ARHGAP15: variants seen among roughly 807,000 people sequenced by gnomAD.
The protein encoded by ARHGAP15 is Rho GTPase activating protein 15, also known as rho GTPase-activating protein 15.
A neutral mutation model predicts 63.7 loss-of-function variants in ARHGAP15; 51 were observed. The ratio of observed to expected loss-of-function variants is 0.80; its 90% confidence interval spans 0.64 to 1.01. ARHGAP15 has a LOEUF of 1.01. Among genes scored for constraint, ARHGAP15 ranks in the 50% least tolerant of loss-of-function variants. The pLI is 0.00. For missense variants in ARHGAP15, 560 were observed against 564.6 expected (o/e 0.99, Z 0.08); for synonymous variants, 191 against 193.8 (o/e 0.99, Z 0.12).
intron 7 of ARHGAP15, 24 bp downstream of exon 7, chr2:143,435,723 C>G: frequency 6.3e-7 from 1 of 1,592,854 alleles, no homozygotes; most frequent in Non-Finnish European, 8.5e-7. Context: ...TTGGCTGTTA[C>G]CTTTATTAAT....
intron 12 of ARHGAP15, among the ~76,000 whole-genome samples, chr2:143,659,899 T>TC (rs200357205): frequency 6.6e-6 from 1 of 151,980 alleles, no homozygotes; most frequent in African/African-American, 2.4e-5. Context: ...AGTTTTTTTT[T>TC]CCCCCAAGAG....
intron 11 of ARHGAP15, among the ~76,000 whole-genome samples, chr2:143,594,880 G>A (rs1480104366): frequency 6.6e-6 from 1 of 152,082 alleles, no homozygotes; most frequent in East Asian, 1.9e-4. Flanking sequence ...TAATGTTAAG[G>A]TTATGACAGA....
intron 12 of ARHGAP15, among the ~76,000 whole-genome samples, chr2:143,689,447 T>A (rs544169780): frequency 2.5e-4 from 38 of 152,304 alleles, no homozygotes; most frequent in South Asian, 1.9e-3. Flanking sequence ...TTCTCTGAGT[T>A]CTTTCATAGG....
chr2:143,470,952 A>G (rs572532262), intron 8 of ARHGAP15, among the ~76,000 whole-genome samples: 1 of 137,606 alleles, frequency 7.3e-6, no homozygotes, highest in Non-Finnish European at 1.6e-5. Context: ...ATATACACAC[A>G]TGTGTATCAT....
intron 13 of ARHGAP15, among the ~76,000 whole-genome samples, chr2:143,751,752 C>T (rs1686383656): frequency 6.6e-6 from 1 of 152,176 alleles, no homozygotes. Flanking sequence ...AGAATTTCTG[C>T]CCTGTTAATG....
At chr2:143,301,035 A>C (rs548326639) in intron 6 of ARHGAP15, among the ~76,000 whole-genome samples, 1 of 151,980 alleles carries the variant, frequency 6.6e-6, no homozygotes, top group African/African-American at 2.4e-5. Context: ...CAATGCCCTT[A>C]GTTTTTTTAC....
At chr2:143,392,069 G>A (rs1054169503) in intron 6 of ARHGAP15, among the ~76,000 whole-genome samples, 1 of 152,060 alleles carries the variant, frequency 6.6e-6, no homozygotes, top group African/African-American at 2.4e-5. Flanking sequence ...TAGGTAACAG[G>A]GACCCACAGA....
intron 11 of ARHGAP15, among the ~76,000 whole-genome samples, chr2:143,563,144 C>T (rs1022238000): frequency 5.9e-5 from 9 of 152,080 alleles, no homozygotes; most frequent in African/African-American, 1.2e-4. Context: ...TTATTTTAAC[C>T]CCTTTAAATC....
At chr2:143,376,039 C>T (rs548425045) in intron 6 of ARHGAP15, among the ~76,000 whole-genome samples, 5 of 152,186 alleles carry the variant, frequency 3.3e-5, no homozygotes, top group Non-Finnish European at 7.3e-5. Flanking sequence ...TCTCTGACAT[C>T]TTCAACTTCC....
chr2:143,236,415 T>G (rs998680036), intron 5 of ARHGAP15: 2 of 152,706 alleles, frequency 1.3e-5, no homozygotes, highest in African/African-American at 4.8e-5. Context: ...TTGATATTAT[T>G]ATATCAAATA....
Position 143,608,714 on chromosome 2 carries a change from T to C in ARHGAP15, c.1004-15419T>C, listed in dbSNP as rs894402556. The C allele has an allele frequency of 1.3e-5, 2 of 152,228 alleles. 1 individual carries two copies. The highest frequency in any genetic ancestry group is 4.1e-4 in the South Asian group (2 of 4,836). 9.4% of individuals were successfully genotyped at this position (152,228 alleles called of 1,614,324 possible). A position where few individuals can be genotyped will look rare whatever the true frequency, so the allele number is the denominator to read the frequency against. On this transcript the variant is annotated intron_variant, in intron 11 of 13. Coordinates refer to ENST00000295095, the MANE Select transcript of ARHGAP15 (RefSeq NM_018460.4). ...TAAATAAATAACCCTGGTTGTAATT[T>C]CATAACATGCAAAAAGGTTTGAAAT...
chr2:143,234,635 A>T (rs1201870329), intron 5 of ARHGAP15, among the ~76,000 whole-genome samples: 7 of 152,226 alleles, frequency 4.6e-5, no homozygotes, highest in Admixed American at 3.9e-4. Flanking sequence ...CTTATTTTAC[A>T]TTGCTCATCT....
intron 6 of ARHGAP15, among the ~76,000 whole-genome samples, chr2:143,333,464 G>A (rs1051990574): frequency 6.6e-6 from 1 of 152,162 alleles, no homozygotes; most frequent in African/African-American, 2.4e-5. Context: ...AAAAAGAAAC[G>A]AATTTTCAGA....
At chr2:143,629,823 T>TATGAGA (rs138241306) in intron 12 of ARHGAP15, among the ~76,000 whole-genome samples, 1 of 152,174 alleles carries the variant, frequency 6.6e-6, no homozygotes, top group African/African-American at 2.4e-5. Flanking sequence ...AAGTAGTTAC[T>TATGAGA]ATGAGAATGA....
intron 1 of ARHGAP15, among the ~76,000 whole-genome samples, chr2:143,134,661 G>C (rs1229610344): frequency 7.2e-6 from 1 of 138,352 alleles, no homozygotes; most frequent in Non-Finnish European, 1.5e-5. Flanking sequence ...TTGAGACGGA[G>C]TCTCACTCTG....
At chr2:143,494,511 A>G (rs1692729716) in intron 9 of ARHGAP15, among the ~76,000 whole-genome samples, 1 of 152,162 alleles carries the variant, frequency 6.6e-6, no homozygotes, top group Non-Finnish European at 1.5e-5. Context: ...CTATCTGAGG[A>G]CATAGATTAG....
chr2:143,306,863 G>C (rs1005570897), intron 6 of ARHGAP15, among the ~76,000 whole-genome samples: 32 of 152,068 alleles, frequency 2.1e-4, no homozygotes, highest in Admixed American at 2.1e-3. Flanking sequence ...TCACAAACTT[G>C]ACAGCTTAAA....
intron 6 of ARHGAP15, among the ~76,000 whole-genome samples, chr2:143,305,676 A>G (rs192967165): frequency 1.3e-5 from 2 of 152,248 alleles, no homozygotes; most frequent in Admixed American, 6.6e-5. Flanking sequence ...ATAAAACCCA[A>G]ATAATATAGA....
At chr2:143,566,096 A>AT (rs5834957) in intron 11 of ARHGAP15, among the ~76,000 whole-genome samples, 1 of 151,984 alleles carries the variant, frequency 6.6e-6, no homozygotes, top group African/African-American at 2.4e-5. Context: ...ATGGGAAGAA[A>AT]TTTTTTTTCA....
Sources: gnomAD v4.1 joint callset for allele counts (sites outside exome capture counted in the v4.1 genomes callset) on GRCh38, gnomAD v4.1.1 for gene constraint, MANE v1.5 for transcripts, NCBI Gene and HGNC (gene_info 2026-07-23, HGNC 2026-07-21) for gene names.